RAD54B: variants seen among roughly 807,000 people sequenced by gnomAD.
The protein encoded by RAD54B is RAD54 homolog B, also known as DNA repair and recombination protein RAD54B.
RAD54B carries 78 observed loss-of-function variants against 95.8 expected under a neutral mutation model. That is an observed-to-expected ratio of 0.81 (90% CI 0.68 to 0.98). RAD54B has a LOEUF of 0.98. RAD54B is among the 50% of genes least tolerant of loss of function. The pLI, the probability that RAD54B is intolerant of heterozygous loss-of-function variation, is 0.00. For missense variants in RAD54B, 957 were observed against 1,056.6 expected (o/e 0.91, Z 1.31); for synonymous variants, 328 against 354.9 (o/e 0.92, Z 0.85).
intron 2 of RAD54B, among the ~76,000 whole-genome samples, chr8:94,466,681 A>T (rs1239056252): frequency 1.3e-5 from 2 of 152,194 alleles, no homozygotes; most frequent in African/African-American, 2.4e-5. Flanking sequence ...TGCTGGGATT[A>T]CAGGCGTGAG....
intron 3 of RAD54B, among the ~76,000 whole-genome samples, chr8:94,420,713 G>A (rs370485959): frequency 1.2e-4 from 18 of 152,126 alleles, no homozygotes; most frequent in African/African-American, 3.6e-4. Context: ...GGCCGTGCGC[G>A]GTGGCTCAGG....
chr8:94,445,649 T>G (rs996981009), intron 3 of RAD54B, among the ~76,000 whole-genome samples: 1 of 152,156 alleles, frequency 6.6e-6, no homozygotes, highest in African/African-American at 2.4e-5. Flanking sequence ...CTGAGTTGTA[T>G]CTGCAGTATT....
At chr8:94,437,551 A>AT (rs938672779) in intron 3 of RAD54B, among the ~76,000 whole-genome samples, 2 of 152,142 alleles carry the variant, frequency 1.3e-5, no homozygotes, top group African/African-American at 4.8e-5. Context: ...GCCTCTGCAT[A>AT]TTTTTTTCAC....
intron 3 of RAD54B, among the ~76,000 whole-genome samples, chr8:94,417,937 A>T (rs1328818234): frequency 6.6e-6 from 1 of 151,964 alleles, no homozygotes; most frequent in Non-Finnish European, 1.5e-5. Context: ...GTCTGGCATG[A>T]CCCAATGAAC....
chr8:94,458,228 T>C lies in RAD54B; in HGVS notation c.304+40A>G, dbSNP rs753943687. On this transcript the variant is annotated intron_variant, in intron 3 of 14. Coordinates refer to ENST00000336148, the MANE Select transcript of RAD54B (RefSeq NM_012415.3). ...TCATTTAAAGAATACTGTAATACTA[T>C]TGGTCAAGCATAAACCTTATCAATA... 53 of 1,494,476 alleles carry C rather than the reference T, an allele frequency of 3.5e-5. 1 individual carries two copies. In the Middle Eastern group the frequency reaches 9.1e-4, roughly 26 times the overall value. The allele number at this position is 1,494,476 out of a possible 1,614,324, so 92.6% of individuals were successfully genotyped here. A position where few individuals can be genotyped will look rare whatever the true frequency, so the allele number is the denominator to read the frequency against.
intron 8 of RAD54B, among the ~76,000 whole-genome samples, chr8:94,398,606 G>GA (rs1811197917): frequency 6.6e-6 from 1 of 152,090 alleles, no homozygotes. Flanking sequence ...AAGGGCTGAA[G>GA]ATGGTAGGGA....
intron 3 of RAD54B, among the ~76,000 whole-genome samples, chr8:94,422,876 G>C (rs1811858343): frequency 6.7e-6 from 1 of 149,300 alleles, no homozygotes; most frequent in East Asian, 2.0e-4. Flanking sequence ...ATCCTATGTT[G>C]CCAATGATCT....
At chr8:94,393,691 T>C in intron 9 of RAD54B, 52 bp downstream of exon 9, 2 of 1,458,710 alleles carry the variant, frequency 1.4e-6, no homozygotes, top group Non-Finnish European at 1.9e-6. Context: ...TTATGGATGA[T>C]TTCCTCAGAC....
chr8:94,452,676 T>G (rs1812688546), intron 3 of RAD54B, among the ~76,000 whole-genome samples: 1 of 152,100 alleles, frequency 6.6e-6, no homozygotes, highest in Non-Finnish European at 1.5e-5. Flanking sequence ...TTTTTGCATT[T>G]TTAGTAGATA....
intron 3 of RAD54B, among the ~76,000 whole-genome samples, chr8:94,423,450 T>C (rs1811870761): frequency 6.6e-6 from 1 of 152,198 alleles, no homozygotes; most frequent in Admixed American, 6.5e-5. Flanking sequence ...GTAGCAAAGA[T>C]TCAGTCACTT....
intron 3 of RAD54B, among the ~76,000 whole-genome samples, chr8:94,444,563 T>C (rs942941567): frequency 6.6e-6 from 1 of 152,214 alleles, no homozygotes; most frequent in Non-Finnish European, 1.5e-5. Context: ...TAAATAATTC[T>C]TGGCAAACAA....
chr8:94,414,515 T>C (rs1811606615), intron 3 of RAD54B, among the ~76,000 whole-genome samples: 1 of 152,198 alleles, frequency 6.6e-6, no homozygotes, highest in Admixed American at 6.5e-5. Context: ...ATACCTAATT[T>C]ATTGAGAGTT....
intron 3 of RAD54B, among the ~76,000 whole-genome samples, chr8:94,418,241 CTG>C (rs1169657364): frequency 4.6e-5 from 7 of 151,992 alleles, no homozygotes; most frequent in African/African-American, 1.5e-4. Context: ...CATATTCAAT[CTG>C]TGCATCTCTG....
intron 3 of RAD54B, among the ~76,000 whole-genome samples, chr8:94,436,300 T>G (rs1210536070): frequency 1.3e-5 from 2 of 152,156 alleles, no homozygotes; most frequent in African/African-American, 4.8e-5. Context: ...GGGAAGACAG[T>G]AAAAAGTAGC....
At chr8:94,465,949 C>T (rs1226788761) in intron 2 of RAD54B, among the ~76,000 whole-genome samples, 1 of 152,114 alleles carries the variant, frequency 6.6e-6, no homozygotes, top group Non-Finnish European at 1.5e-5. Flanking sequence ...CATGAGGTAC[C>T]TAGGGCAGTC....
At chr8:94,424,224 G>T (rs745935895) in intron 3 of RAD54B, among the ~76,000 whole-genome samples, 2 of 152,092 alleles carry the variant, frequency 1.3e-5, no homozygotes, top group Non-Finnish European at 2.9e-5. Context: ...AGACTGGCTG[G>T]GTCAGAGTCT....
chr8:94,388,999 T>A (rs1037281728), intron 10 of RAD54B, among the ~76,000 whole-genome samples: 2 of 152,240 alleles, frequency 1.3e-5, no homozygotes, highest in African/African-American at 4.8e-5. Flanking sequence ...GAGACCTGCC[T>A]ATTTAGACCA....
intron 14 of RAD54B, among the ~76,000 whole-genome samples, chr8:94,374,598 A>G (rs1810522059): frequency 6.6e-6 from 1 of 152,210 alleles, no homozygotes; most frequent in Non-Finnish European, 1.5e-5. Context: ...AAGATAGACC[A>G]GACAAACCCT....
Position 94,372,027 on chromosome 8 carries a change from C to T in RAD54B, c.*143G>A. ...AATATTTACAAAACATTAAACCACT[C>T]AATTTTGACTATTGTATCAAAAGTG... On this transcript the variant is annotated 3_prime_UTR_variant, in exon 15 of 15. Coordinates refer to ENST00000336148, the MANE Select transcript of RAD54B (RefSeq NM_012415.3). The T allele has an allele frequency of 3.0e-6, 4 of 1,343,200 alleles. No homozygotes were observed. The highest frequency in any genetic ancestry group is 3.9e-6 in the Non-Finnish European group (4 of 1,031,686). 83.2% of individuals were successfully genotyped at this position (1,343,200 alleles called of 1,614,324 possible).
Sources: allele counts gnomAD v4.1 joint callset (sites outside exome capture counted in the v4.1 genomes callset), GRCh38; gene constraint gnomAD v4.1.1; transcripts MANE v1.5; gene names NCBI Gene and HGNC (gene_info 2026-07-23, HGNC 2026-07-21).